RCC1L: variants seen among roughly 807,000 people sequenced by gnomAD.
RCC1L encodes RCC1-like G exchanging factor-like protein.
Under a neutral mutation model 58.6 loss-of-function variants are expected in RCC1L, and 46 were observed. That is an observed-to-expected ratio of 0.79 (90% CI 0.62 to 1.00). The LOEUF (loss-of-function observed/expected upper bound fraction) is 1.00. Among genes scored for constraint, RCC1L ranks in the 50% least tolerant of loss-of-function variants. The probability of loss-of-function intolerance (pLI) is 0.00; values close to 1 mark genes in which losing one functional copy is unlikely to be tolerated. For missense variants in RCC1L, 636 were observed against 623.6 expected (o/e 1.02, Z -0.21); for synonymous variants, 281 against 262.9 (o/e 1.07, Z -0.67).
intron 8 of RCC1L, among the ~76,000 whole-genome samples, chr7:75,057,154 G>A (rs1806106524): frequency 6.6e-6 from 1 of 152,036 alleles, no homozygotes; most frequent in South Asian, 2.1e-4. Context: ...TCTATTTTTA[G>A]TAGAGTCAGG....
intron 8 of RCC1L, among the ~76,000 whole-genome samples, chr7:75,057,004 G>A (rs1391282063): frequency 4.6e-5 from 7 of 151,958 alleles, no homozygotes. Context: ...TTTCTATTGA[G>A]ACAGAGTCAT....
intron 10 of RCC1L, among the ~76,000 whole-genome samples, chr7:75,046,310 C>T (rs1007251849): frequency 6.6e-6 from 1 of 152,246 alleles, no homozygotes; most frequent in African/African-American, 2.4e-5. Flanking sequence ...AAACAGGCTG[C>T]CTCTGCAGGG....
intron 5 of RCC1L, among the ~76,000 whole-genome samples, chr7:75,062,932 G>C (rs1289978993): frequency 6.6e-6 from 1 of 152,100 alleles, no homozygotes; most frequent in African/African-American, 2.4e-5. Context: ...CTGAGTAGCT[G>C]GGATTACAGG....
At chr7:75,068,302 G>T (rs1361336570) in intron 2 of RCC1L, among the ~76,000 whole-genome samples, 1 of 123,670 alleles carries the variant, frequency 8.1e-6, no homozygotes, top group Admixed American at 9.0e-5. Flanking sequence ...CCTGGGCAAC[G>T]AGAGTGAAAC....
chr7:75,058,677 A>C lies in RCC1L; in HGVS notation c.880T>G (p.Cys294Gly), dbSNP rs1554444223. The part of the protein sequence containing the change: ...NVIQVATYGD[C>G]CLAVSADGGL... ...CCGTCGGCGGACACGGCCAGGCAGC[A>C]ATCACCGTAGGTGGCAACTTGGATA... Residue 294 changes from cysteine to glycine, a missense_variant, in exon 7 of 11, where the codon TGC becomes GGC. Physicochemically the swap from Cys to Gly is radical, Grantham distance 159. Transcript: ENST00000610322. The C allele has an allele frequency of 1.2e-6, 2 of 1,613,856 alleles. No homozygotes were observed. The highest frequency in any genetic ancestry group is 2.2e-5 in the East Asian group (1 of 44,894).
chr7:75,057,685 T>C, intron 7 of RCC1L, 69 bp from the exon 8 acceptor site: 6 of 1,444,658 alleles, frequency 4.2e-6, no homozygotes, highest in Non-Finnish European at 4.9e-6. Flanking sequence ...GTTCTGGTCT[T>C]AGGTACAGAG....
In RCC1L at chr7:75,064,482, C is replaced by T. The variant is rs1554444814; in HGVS notation, c.650+100G>A. 2.3e-5 allele frequency: 30 copies of T among 1,327,544 alleles called. No individual in the cohort carries two copies. In the East Asian group the frequency reaches 6.7e-4, roughly 30 times the overall value. 82.2% of individuals were successfully genotyped at this position (1,327,544 alleles called of 1,614,324 possible). Reference sequence around the variant, plus strand: ...TGAGTTCTCACGGCCCCCTCTCAGGCATGCCTCTGACCGCCCCGCGGGTTT... The same window carrying T: ...TGAGTTCTCACGGCCCCCTCTCAGGTATGCCTCTGACCGCCCCGCGGGTTT... On this transcript the variant is annotated intron_variant, in intron 4 of 10. Transcript: ENST00000610322.
At chr7:75,058,983 C>T (rs1280498701) in intron 6 of RCC1L, among the ~76,000 whole-genome samples, 4 of 149,918 alleles carry the variant, frequency 2.7e-5, no homozygotes, top group African/African-American at 9.8e-5. Flanking sequence ...TCGAGATCAG[C>T]CTGGTCAACA....
intron 10 of RCC1L, chr7:75,028,116 AT>A (rs71098023): frequency 0.11 from 129,470 of 1,223,312 alleles, no homozygotes; most frequent in East Asian, 0.17. Flanking sequence ...ATGATGTGGA[AT>A]TTTTTTTTTT....
intron 10 of RCC1L, among the ~76,000 whole-genome samples, chr7:75,048,262 G>A (rs1315717157): frequency 2.5e-4 from 17 of 67,272 alleles, no homozygotes; most frequent in Non-Finnish European, 3.8e-4. Context: ...GCAGGACATC[G>A]CCTCAAAAAA....
chr7:75,058,500 G>A, intron 7 of RCC1L, 88 bp downstream of exon 7: 1 of 1,510,542 alleles, frequency 6.6e-7, no homozygotes. Context: ...CAAAGTGCTG[G>A]GATTACAGGT....
intron 9 of RCC1L, among the ~76,000 whole-genome samples, chr7:75,054,800 G>A (rs1018981163): frequency 6.6e-6 from 1 of 152,096 alleles, no homozygotes; most frequent in Non-Finnish European, 1.5e-5. Context: ...AAGAATTCAT[G>A]AGACCTACAC....
At chr7:75,055,646 T>C in intron 9 of RCC1L, 1 of 524,026 alleles carries the variant, frequency 1.9e-6, no homozygotes, top group South Asian at 2.1e-5. Flanking sequence ...GGGTGCTCTC[T>C]TGAGAAAATG....
At position 75,043,017 on chromosome 7, in the gene RCC1L, G is replaced by A. The variant is rs2131976430; in HGVS notation, c.*15C>T. 6.2e-7 allele frequency: 1 copy of A among 1,614,034 alleles called. No homozygotes were observed. The highest frequency in any genetic ancestry group is 1.7e-4 in the Middle Eastern group (1 of 6,054). On this transcript the variant is annotated 3_prime_UTR_variant, in exon 11 of 11. Transcript: ENST00000610322. ...TGGTTCCCGGGACGGGGCCGCCCAA[G>A]CAGGTGAGGGAGGTTTAGATGAATG...
At position 75,066,744 on chromosome 7, in the gene RCC1L, A is replaced by G. The variant is rs1806504051; in HGVS notation, c.503T>C (p.Leu168Pro). The G allele has an allele frequency of 6.2e-7, 1 of 1,613,390 alleles. No individual in the cohort carries two copies. Among genetic ancestry groups the G allele is most frequent in the Non-Finnish European group, 8.5e-7 (1 of 1,179,660 alleles). The change falls in exon 3 of 11, where the codon CTG (leucine) becomes CCG (proline). Residue 168 changes from leucine to proline, a missense_variant. Leu to Pro is a moderately conservative substitution (Grantham distance 98). Coordinates refer to ENST00000610322, the MANE Select transcript of RCC1L (RefSeq NM_030798.5). ...VLEPSPVSLP[L>P]DRPQETRVLQ... ...CACCCGTGTCTCCTGAGGTCTGTCC[A>G]GAGGCAGGGAGACGGGTGAGGGCTC... is the stretch of plus-strand genomic sequence containing the variant.
Position 75,052,783 on chromosome 7 carries a change from C to T in RCC1L, c.1245G>A (p.Leu415=), listed in dbSNP as rs1340511838. The change falls in exon 10 of 11, where the codon CTG becomes CTA. Residue 415 remains leucine (L), a synonymous_variant. Transcript: ENST00000610322. ...CTCGGATGTTCTTGCCCCATACAAA[C>T]AGCTCTCCTTTGTCTGCAAAGGGAG... is the stretch of plus-strand genomic sequence containing the variant. ...HFAALTNKGE[L]FVWGKNIRGC... 2 of 1,613,172 alleles carry T rather than the reference C, an allele frequency of 1.2e-6. No individual in the cohort carries two copies. The highest frequency in any genetic ancestry group is 2.2e-5 in the South Asian group (2 of 90,752).
chr7:75,046,276 G>A (rs1805717689), intron 10 of RCC1L, among the ~76,000 whole-genome samples: 1 of 152,238 alleles, frequency 6.6e-6, no homozygotes, highest in Non-Finnish European at 1.5e-5. Flanking sequence ...GATGCAGAAA[G>A]CCTGAGAGGC....
chr7:75,059,187 C>CAAAA (rs71278503), intron 6 of RCC1L, among the ~76,000 whole-genome samples: 2 of 77,984 alleles, frequency 2.6e-5, no homozygotes, highest in African/African-American at 8.3e-5. Flanking sequence ...ATGAGACTCT[C>CAAAA]AAAAAAAAAA....
At chr7:75,066,973 GTC>G (rs1806516322) in intron 2 of RCC1L, among the ~76,000 whole-genome samples, 181 bp from the exon 3 acceptor site, 2 of 152,190 alleles carry the variant, frequency 1.3e-5, no homozygotes, top group Non-Finnish European at 2.9e-5. Context: ...GGCATGGGCT[GTC>G]TCTATTACAT....
Sources: allele counts gnomAD v4.1 joint callset (sites outside exome capture counted in the v4.1 genomes callset), GRCh38; gene constraint gnomAD v4.1.1; transcripts MANE v1.5; gene names NCBI Gene and HGNC (gene_info 2026-07-23, HGNC 2026-07-21).